The following PACS2 variants were observed in gnomAD, a reference collection of about 807,000 sequenced individuals.
PACS2 encodes the protein phosphofurin acidic cluster sorting protein 2.
A neutral mutation model predicts 113.0 loss-of-function variants in PACS2; 36 were observed. The ratio of observed to expected loss-of-function variants is 0.32; its 90% CI spans 0.24 to 0.42. PACS2 has a LOEUF of 0.42. Among genes scored for constraint, PACS2 ranks in the 10% least tolerant of loss-of-function variants. PACS2 has a pLI of 1.00. For synonymous variants in PACS2, 589 were observed against 536.1 expected, an observed-to-expected ratio of 1.10 and a Z score of -1.36; for missense variants, 1,015 against 1,239.5, an observed-to-expected ratio of 0.82 and a Z score of 2.72.
Position 105,376,999 on chromosome 14 carries a change from G to GA in PACS2, c.959+75dup, listed in dbSNP as rs2080807446. 5.5e-5 allele frequency: 80 copies of GA among 1,463,048 alleles called. 3 individuals are homozygous for GA. In the South Asian group the frequency reaches 9.7e-4, roughly 18 times the overall value. The allele number at this position is 1,463,048 out of a possible 1,614,324, so 90.6% of individuals were successfully genotyped here. A position where few individuals can be genotyped will look rare whatever the true frequency, so the allele number is the denominator to read the frequency against. On this transcript the variant is annotated intron_variant, in intron 9 of 24. Transcript: ENST00000447393. The surrounding 1 kb of genome is among the most constrained non-coding windows in gnomAD (Gnocchi z 4.7). ...CGGCCACTCTGCGACCACTCTGGCA[G>GA]ACCCATGTCCAGCCCTGGAGACGGG...
chr14:105,353,376 C>G (rs1336208312), intron 3 of PACS2, among the ~76,000 whole-genome samples: 1 of 113,360 alleles, frequency 8.8e-6, no homozygotes, highest in African/African-American at 3.7e-5. Context: ...GGGTGATGGC[C>G]CCCCCTCATC....
At chr14:105,381,210 C>T (rs1346732676) in intron 12 of PACS2, 111 bp downstream of exon 12, 7 of 859,046 alleles carry the variant, frequency 8.1e-6, no homozygotes, top group South Asian at 4.0e-5. Context: ...TGAGCTCCCT[C>T]GGGTGTAGAC....
Position 105,354,727 on chromosome 14 carries a change from G to C in PACS2, c.298-325G>C, listed in dbSNP as rs587654865. Among the ~76,000 whole-genome samples the C allele has an allele frequency of 2.0e-5, 3 of 152,208 alleles. No homozygotes were observed. The highest frequency in any genetic ancestry group is 7.2e-5 in the African/African-American group (3 of 41,462). ...GCACATGAGCCGCCACACTGTTTCC[G>C]AGTGTCCACAGGCGCGCTCGGCCAT... On this transcript the variant is annotated intron_variant, in intron 3 of 24. Transcript: ENST00000447393. This position sits in a 1 kb window ranked among gnomAD's most constrained non-coding sequence, Gnocchi z 4.2.
intron 8 of PACS2, chr14:105,370,139 T>C: frequency 2.2e-6 from 1 of 458,248 alleles, no homozygotes; most frequent in Non-Finnish European, 3.9e-6. Flanking sequence ...AGTCGGAAAG[T>C]CATTTTCAGG....
rs1474180001 is a variant in PACS2, at chr14:105,379,722, C to G, written c.960-17C>G. On this transcript the variant is annotated splice_polypyrimidine_tract_variant and intron_variant, in intron 9 of 24. Transcript: ENST00000447393. ...CCTGGAAATTAACGTGTCCCCCACC[C>G]CTGTTCCCTGAGCCAGGCCATACTT... 5 of 1,607,008 alleles carry G rather than the reference C, an allele frequency of 3.1e-6. No individual in the cohort carries two copies. Among genetic ancestry groups the G allele is most frequent in the Non-Finnish European group, 4.3e-6 (5 of 1,173,774 alleles).
intron 16 of PACS2, 64 bp from the exon 17 acceptor site, chr14:105,384,289 C>T (rs587604384): frequency 1.3e-4 from 127 of 966,264 alleles, no homozygotes; most frequent in Non-Finnish European, 1.7e-4. Flanking sequence ...GCTTTTGTGC[C>T]GCGGTGGGAG....
intron 1 of PACS2, among the ~76,000 whole-genome samples, chr14:105,304,058 G>T (rs2058106997): frequency 6.6e-6 from 1 of 152,230 alleles, no homozygotes; most frequent in African/African-American, 2.4e-5. Context: ...GTGCCTGCAG[G>T]TGCAAGGGGC....
chr14:105,333,200 C>T (rs2059371647), intron 1 of PACS2, among the ~76,000 whole-genome samples: 1 of 152,250 alleles, frequency 6.6e-6, no homozygotes. Context: ...AGTCCCCACC[C>T]CCTCCTGCTG....
chr14:105,328,536 G>A (rs939523701), intron 1 of PACS2, among the ~76,000 whole-genome samples: 1 of 152,228 alleles, frequency 6.6e-6, no homozygotes, highest in Admixed American at 6.5e-5. Flanking sequence ...ACTGGCAGCA[G>A]TTGTGCTCTG....
In PACS2 at chr14:105,365,261, C is replaced by T. The variant is rs2060902928; in HGVS notation, c.424-1952C>T. Among the ~76,000 whole-genome samples, 1 of 152,214 alleles carries T rather than the reference C, an allele frequency of 6.6e-6. No homozygotes were observed. The highest frequency in any genetic ancestry group is 6.5e-5 in the Admixed American group (1 of 15,290). On this transcript the variant is annotated intron_variant, in intron 4 of 24. Coordinates refer to ENST00000447393, the MANE Select transcript of PACS2 (RefSeq NM_001100913.3). The surrounding 1 kb of genome is among the most constrained non-coding windows in gnomAD (Gnocchi z 5.1). ...AGCATCACCCCAGGGGAGTGCCCAG[C>T]TCAGGGGTGGCTGGCCCCTTGGCAG...
Position 105,364,436 on chromosome 14 carries a change from GGGC to G in PACS2, c.424-2772_424-2770del, listed in dbSNP as rs1248824629. Among the ~76,000 whole-genome samples, 162 of 136,514 alleles carry G rather than the reference GGGC, an allele frequency of 1.2e-3. 1 individual carries two copies. Among genetic ancestry groups the G allele is most frequent in the African/African-American group, 4.4e-3 (152 of 34,920 alleles). The allele number at this position is 136,514 out of a possible 152,430, so 89.6% of individuals were successfully genotyped here. A position where few individuals can be genotyped will look rare whatever the true frequency, so the allele number is the denominator to read the frequency against. ...GTGGGCGGTGTCCCGGGTGCGCGGT[GGGC>G]GGCGTCCCGGGTGCGCGGTGGGCGG... On this transcript the variant is annotated intron_variant, in intron 4 of 24. Coordinates refer to ENST00000447393, the MANE Select transcript of PACS2 (RefSeq NM_001100913.3).
intron 18 of PACS2, among the ~76,000 whole-genome samples, chr14:105,385,470 G>C (rs1474628114): frequency 6.6e-6 from 1 of 152,106 alleles, no homozygotes; most frequent in Non-Finnish European, 1.5e-5. Context: ...GTCCCGCCCG[G>C]CGCCTCCTCC....
chr14:105,312,166 C>A (rs898331648), upstream of PACS2, among the ~76,000 whole-genome samples: 5 of 152,218 alleles, frequency 3.3e-5, no homozygotes, highest in Non-Finnish European at 7.3e-5. Flanking sequence ...TGGCGCCCGA[C>A]TGGAAAAGCC....
intron 24 of PACS2, chr14:105,393,580 GT>G: frequency 2.5e-6 from 1 of 405,270 alleles, no homozygotes; most frequent in East Asian, 4.6e-5. Flanking sequence ...TTTCTTGTTT[GT>G]TTTTTGTTTT....
intron 3 of PACS2, among the ~76,000 whole-genome samples, chr14:105,352,998 C>T (rs1408559233): frequency 4.1e-4 from 52 of 126,426 alleles, no homozygotes; most frequent in Admixed American, 1.5e-4. Context: ...GGGTGACGGG[C>T]CCCCTCATCA....
intron 2 of PACS2, among the ~76,000 whole-genome samples, chr14:105,350,010 C>T (rs904671036): frequency 4.7e-5 from 7 of 149,542 alleles, no homozygotes; most frequent in African/African-American, 9.8e-5. Flanking sequence ...AGCAGGACCC[C>T]GAGAACTTCC....
chr14:105,383,882 A>G (rs1291295406), intron 16 of PACS2: 4 of 296,922 alleles, frequency 1.3e-5, no homozygotes, highest in Admixed American at 9.7e-5. Context: ...AGTGCAAAGC[A>G]GGGCTCGTTA....
At chr14:105,303,186 C>A (rs587717658) in intron 1 of PACS2, among the ~76,000 whole-genome samples, 1 of 152,300 alleles carries the variant, frequency 6.6e-6, no homozygotes, top group Admixed American at 6.5e-5. Context: ...GTCTTGGTCT[C>A]CCAAAGTGTT....
At chr14:105,383,572 G>C in intron 16 of PACS2, 59 bp downstream of exon 16, 1 of 1,504,046 alleles carries the variant, frequency 6.6e-7, no homozygotes. Flanking sequence ...GTGTGGCGTG[G>C]CATGGAGTGG....
Sources: allele counts gnomAD v4.1 joint callset (sites outside exome capture counted in the v4.1 genomes callset), GRCh38; gene constraint gnomAD v4.1.1; non-coding constraint Gnocchi (gnomAD v3.1); transcripts MANE v1.5; gene names NCBI Gene and HGNC (gene_info 2026-07-23, HGNC 2026-07-21).